The following EPHB1 variants were observed in gnomAD, a reference collection of about 807,000 sequenced individuals.
The protein encoded by EPHB1 is EPH receptor B1, also known as ephrin type-B receptor 1.
Under a neutral mutation model 94.4 loss-of-function variants are expected in EPHB1, and 30 were observed. That is an observed-to-expected ratio of 0.32 (90% confidence interval 0.24 to 0.43). EPHB1 has a LOEUF of 0.43. Ranked by LOEUF, EPHB1 falls within the 20% of genes least tolerant of loss-of-function variation. The probability of loss-of-function intolerance (pLI) is 1.00; values close to 1 mark genes in which losing one functional copy is unlikely to be tolerated. For synonymous variants in EPHB1, 522 were observed against 489.1 expected (o/e 1.07, Z -0.89); for missense variants, 1,055 against 1,308.3 (o/e 0.81, Z 2.99).
intron 11 of EPHB1, among the ~76,000 whole-genome samples, chr3:135,200,410 CCTGTGCCAGACG>C (rs1942723028): frequency 6.6e-6 from 1 of 152,108 alleles, no homozygotes; most frequent in African/African-American, 2.4e-5. Context: ...AGGAGAGTTC[CCTGTGCCAGACG>C]CTGTGCATGA....
At chr3:135,053,025 G>A (rs372089535) in intron 3 of EPHB1, among the ~76,000 whole-genome samples, 19,529 of 89,780 alleles carry the variant, frequency 0.22, 2,850 homozygotes, top group African/African-American at 0.41. Flanking sequence ...GTGTGTGTGT[G>A]TGTATATATA....
At chr3:135,187,724 C>T (rs1005883167) in intron 10 of EPHB1, among the ~76,000 whole-genome samples, 2 of 152,166 alleles carry the variant, frequency 1.3e-5, no homozygotes, top group South Asian at 2.1e-4. Flanking sequence ...AAGACACCCT[C>T]CATGCTCAGG....
intron 10 of EPHB1, among the ~76,000 whole-genome samples, chr3:135,183,004 TC>T (rs1165307266): frequency 1.6e-5 from 1 of 63,024 alleles, no homozygotes; most frequent in East Asian, 7.0e-4. Flanking sequence ...TCTTTTCTTT[TC>T]TTTTCTTTTC....
At chr3:135,199,698 G>A (rs942332113) in intron 11 of EPHB1, among the ~76,000 whole-genome samples, 1 of 152,206 alleles carries the variant, frequency 6.6e-6, no homozygotes, top group Admixed American at 6.5e-5. Flanking sequence ...TGATCAAGGA[G>A]CATAACCCCC....
intron 1 of EPHB1, among the ~76,000 whole-genome samples, chr3:134,796,901 T>C (rs564958908): frequency 5.4e-4 from 82 of 152,328 alleles, no homozygotes; most frequent in African/African-American, 1.8e-3. Flanking sequence ...TACTCGTTCC[T>C]CGCGAAACTG....
chr3:135,111,540 T>A (rs1939443121), intron 4 of EPHB1, among the ~76,000 whole-genome samples: 1 of 151,760 alleles, frequency 6.6e-6, no homozygotes, highest in Non-Finnish European at 1.5e-5. Flanking sequence ...GCTGTGAATA[T>A]GTATGTGAGA....
chr3:135,027,645 A>G (rs567813538), intron 3 of EPHB1, among the ~76,000 whole-genome samples: 5 of 151,848 alleles, frequency 3.3e-5, no homozygotes, highest in East Asian at 3.9e-4. Flanking sequence ...TTTTGCATCA[A>G]TGTTCATCAA....
intron 9 of EPHB1, among the ~76,000 whole-genome samples, chr3:135,177,061 A>T (rs1244293714): frequency 1.3e-5 from 2 of 152,116 alleles, no homozygotes; most frequent in African/African-American, 4.8e-5. Context: ...GTGAGTCATC[A>T]CTGTACATCA....
At chr3:134,890,124 A>G (rs1053675746) in intron 1 of EPHB1, among the ~76,000 whole-genome samples, 6 of 152,086 alleles carry the variant, frequency 3.9e-5, no homozygotes, top group Admixed American at 1.3e-4. Flanking sequence ...CTCCTCAGTC[A>G]CTACCCCCCC....
At chr3:134,828,224 G>C (rs778835494) in intron 1 of EPHB1, among the ~76,000 whole-genome samples, 2 of 152,106 alleles carry the variant, frequency 1.3e-5, no homozygotes, top group Non-Finnish European at 2.9e-5. Context: ...TTTGGTGAAG[G>C]GTTGTTGAAA....
At position 135,201,670 on chromosome 3, in the gene EPHB1, C is replaced by T; in HGVS notation, c.2327C>T (p.Pro776Leu). 6.2e-7 allele frequency: 1 copy of T among 1,613,586 alleles called. No homozygotes were observed. The highest frequency in any genetic ancestry group is 8.5e-7 in the Non-Finnish European group (1 of 1,179,810). The change falls in exon 12 of 16, where the codon CCC (proline) becomes CTC (leucine). Residue 776 changes from proline to leucine, a missense_variant. Pro to Leu is a moderately conservative substitution (Grantham distance 98, BLOSUM62 -3). Coordinates refer to ENST00000398015, the MANE Select transcript of EPHB1 (RefSeq NM_004441.5). The part of the protein sequence containing the change: ...SRYLQDDTSD[P>L]TYTSSLGGKI... ...TACCTCCAGGATGACACCTCAGATCCCACCTACACCAGCTCCTTGGTGAGT... is the reference window on the plus strand; with the variant it reads ...TACCTCCAGGATGACACCTCAGATCTCACCTACACCAGCTCCTTGGTGAGT...
chr3:134,901,112 T>G (rs2038194276), intron 1 of EPHB1, among the ~76,000 whole-genome samples: 1 of 152,188 alleles, frequency 6.6e-6, no homozygotes, highest in Non-Finnish European at 1.5e-5. Flanking sequence ...AGTTTAAATA[T>G]TTTTACATTA....
At chr3:134,915,338 C>T (rs1276830820) in intron 1 of EPHB1, among the ~76,000 whole-genome samples, 1 of 152,124 alleles carries the variant, frequency 6.6e-6, no homozygotes, top group African/African-American at 2.4e-5. Context: ...AGTCATGCCA[C>T]ATAAAGGCAG....
chr3:135,005,144 A>G (rs1043648363), intron 3 of EPHB1, among the ~76,000 whole-genome samples: 3 of 152,118 alleles, frequency 2.0e-5, no homozygotes, highest in Non-Finnish European at 2.9e-5. Context: ...TTTGGTGTGG[A>G]TGTCCTTTCT....
chr3:135,054,610 G>A (rs1937295218), intron 3 of EPHB1, among the ~76,000 whole-genome samples: 1 of 152,120 alleles, frequency 6.6e-6, no homozygotes, highest in African/African-American at 2.4e-5. Context: ...TTATCTGTGG[G>A]GCACCTCAGA....
chr3:135,226,740 A>G (rs757975707), intron 12 of EPHB1, among the ~76,000 whole-genome samples: 5 of 152,202 alleles, frequency 3.3e-5, no homozygotes, highest in East Asian at 1.9e-4. Context: ...TTGTTGGCCT[A>G]TCTGAAGAAA....
chr3:134,849,411 A>G (rs991517817), intron 1 of EPHB1, among the ~76,000 whole-genome samples: 2 of 152,214 alleles, frequency 1.3e-5, no homozygotes, highest in Admixed American at 6.5e-5. Context: ...TGGCTTTTCC[A>G]GGGGAAACAG....
intron 2 of EPHB1, among the ~76,000 whole-genome samples, chr3:134,950,335 A>G (rs2107714611): frequency 6.6e-6 from 1 of 152,340 alleles, no homozygotes; most frequent in South Asian, 2.1e-4. Context: ...TGAAATTTGC[A>G]CACAATAGAG....
At chr3:134,920,387 T>G (rs996857678) in intron 1 of EPHB1, among the ~76,000 whole-genome samples, 2 of 152,172 alleles carry the variant, frequency 1.3e-5, no homozygotes, top group Non-Finnish European at 2.9e-5. Flanking sequence ...TATTTCATAG[T>G]GTGGCTTTCA....
Sources: allele counts gnomAD v4.1 joint callset (sites outside exome capture counted in the v4.1 genomes callset), GRCh38; gene constraint gnomAD v4.1.1; transcripts MANE v1.5; gene names NCBI Gene and HGNC (gene_info 2026-07-23, HGNC 2026-07-21).